The following LINC00305 variants were observed in gnomAD, a reference collection of about 807,000 sequenced individuals.
The protein encoded by LINC00305 is long independently transcribed non-coding RNA 305.
At chr18:64,082,043 C>T (rs899654262) in intron 3 of LINC00305, among the ~76,000 whole-genome samples, 1 of 152,130 alleles carries the variant, frequency 6.6e-6, no homozygotes, top group South Asian at 2.1e-4. Context: ...AAACAAAACC[C>T]CTTTTTGCCT....
chr18:64,127,377 T>C (rs1160727626), intron 1 of LINC00305: 1 of 152,098 alleles, frequency 6.6e-6, no homozygotes. Flanking sequence ...ATTACCCTTA[T>C]CTTGCAGATG....
chr18:64,113,532 G>T (rs977954787), intron 1 of LINC00305, among the ~76,000 whole-genome samples: 3 of 152,126 alleles, frequency 2.0e-5, no homozygotes, highest in Non-Finnish European at 2.9e-5. Context: ...GCACTTATAA[G>T]ACTTACAAGA....
chr18:64,085,056 G>T (rs1189881396), intron 3 of LINC00305, among the ~76,000 whole-genome samples: 1 of 152,168 alleles, frequency 6.6e-6, no homozygotes, highest in African/African-American at 2.4e-5. Context: ...AAAAATTGTG[G>T]ATGTGCATTC....
chr18:64,143,602 ATATG>A (rs2051478152), intron 1 of LINC00305, among the ~76,000 whole-genome samples: 1 of 98,106 alleles, frequency 1.0e-5, no homozygotes, highest in Non-Finnish European at 2.1e-5. Context: ...ACACATATGT[ATATG>A]TACATATGTA....
rs1489697178 is a variant in LINC00305, at chr18:64,143,697, G to C, written n.314+5078C>G. Reference sequence around the variant, plus strand: ...ACATATGTATGTCCACATATTATGCGTACATGTATGTCCACATATTATGCG... The same window carrying C: ...ACATATGTATGTCCACATATTATGCCTACATGTATGTCCACATATTATGCG... On this transcript the variant is annotated intron_variant and non_coding_transcript_variant, in intron 1 of 3. Transcript: ENST00000666468. Among the ~76,000 whole-genome samples, 134 of 133,802 alleles carry C rather than the reference G, an allele frequency of 1.0e-3. 1 individual carries two copies. The highest frequency in any genetic ancestry group is 3.6e-3 in the African/African-American group (127 of 34,800). 87.8% of individuals were successfully genotyped at this position (133,802 alleles called of 152,430 possible).
intron 1 of LINC00305, among the ~76,000 whole-genome samples, chr18:64,118,849 TG>T (rs2144256992): frequency 1.3e-5 from 2 of 151,862 alleles, no homozygotes; most frequent in Non-Finnish European, 2.9e-5. Context: ...TGTGTGTGTG[TG>T]TGTGTGTGTG....
chr18:64,088,397 T>A (rs1480949963), intron 3 of LINC00305, among the ~76,000 whole-genome samples: 2 of 152,240 alleles, frequency 1.3e-5, no homozygotes, highest in African/African-American at 4.8e-5. Context: ...GAATTCTTCA[T>A]GCATCTCAGT....
At chr18:64,114,926 A>T (rs1205291423) in intron 1 of LINC00305, among the ~76,000 whole-genome samples, 1 of 152,182 alleles carries the variant, frequency 6.6e-6, no homozygotes, top group East Asian at 1.9e-4. Context: ...AAATATACAT[A>T]AAGAGGTAAA....
intron 3 of LINC00305, among the ~76,000 whole-genome samples, chr18:64,095,295 A>G (rs1016538165): frequency 4.6e-5 from 7 of 152,222 alleles, no homozygotes; most frequent in African/African-American, 7.2e-5. Context: ...GAAAACAGCC[A>G]ACAGGAGGCC....
intron 1 of LINC00305, among the ~76,000 whole-genome samples, chr18:64,146,200 C>G (rs1568121115): frequency 6.6e-6 from 1 of 152,026 alleles, no homozygotes; most frequent in Non-Finnish European, 1.5e-5. Flanking sequence ...ATTAAGAAAG[C>G]TTTTTTAGAA....
chr18:64,081,415 A>G, intron 3 of LINC00305, among the ~76,000 whole-genome samples: 1 of 152,214 alleles, frequency 6.6e-6, no homozygotes, highest in East Asian at 1.9e-4. Context: ...GAATACAAGA[A>G]TCAATCCTCA....
At chr18:64,113,629 GGC>G (rs1270236776) in intron 1 of LINC00305, among the ~76,000 whole-genome samples, 4 of 150,884 alleles carry the variant, frequency 2.7e-5, no homozygotes, top group Non-Finnish European at 6.0e-5. Flanking sequence ...TTCAGGGAAA[GGC>G]GTAAGTGCTG....
At chr18:64,082,220 A>G (rs2051187769) in intron 3 of LINC00305, among the ~76,000 whole-genome samples, 1 of 151,982 alleles carries the variant, frequency 6.6e-6, no homozygotes, top group African/African-American at 2.4e-5. Flanking sequence ...TTTTTTTCAG[A>G]TCCTGCCATT....
At chr18:64,100,837 A>G (rs2051265313) in intron 1 of LINC00305, among the ~76,000 whole-genome samples, 1 of 152,142 alleles carries the variant, frequency 6.6e-6, no homozygotes, top group South Asian at 2.1e-4. Context: ...GAGAGCCATG[A>G]ATGAATGTCC....
At chr18:64,139,112 C>T (rs2144276131) in intron 1 of LINC00305, among the ~76,000 whole-genome samples, 1 of 152,300 alleles carries the variant, frequency 6.6e-6, no homozygotes, top group South Asian at 2.1e-4. Context: ...GTGCACTCCA[C>T]CTCCAATCAA....
intron 1 of LINC00305, among the ~76,000 whole-genome samples, chr18:64,107,322 G>C (rs993383361): frequency 2.6e-5 from 4 of 152,200 alleles, no homozygotes; most frequent in Admixed American, 6.6e-5. Context: ...GGGGACATCT[G>C]CAGGAGACAG....
At chr18:64,108,211 G>A (rs2051299616) in intron 1 of LINC00305, among the ~76,000 whole-genome samples, 1 of 152,222 alleles carries the variant, frequency 6.6e-6, no homozygotes, top group South Asian at 2.1e-4. Flanking sequence ...CTTTGTTAAA[G>A]TCGAAGGAAG....
At chr18:64,085,628 T>C (rs1335108185) in intron 3 of LINC00305, among the ~76,000 whole-genome samples, 3 of 152,104 alleles carry the variant, frequency 2.0e-5, no homozygotes, top group Non-Finnish European at 4.4e-5. Flanking sequence ...GCCCAGCTAA[T>C]TTTTGAATTT....
At chr18:64,090,613 G>A (rs972275715) in intron 3 of LINC00305, among the ~76,000 whole-genome samples, 1 of 152,064 alleles carries the variant, frequency 6.6e-6, no homozygotes, top group African/African-American at 2.4e-5. Context: ...GAAAATGTGG[G>A]GCCCCTTGCT....
Sources: allele counts gnomAD v4.1 joint callset (sites outside exome capture counted in the v4.1 genomes callset), GRCh38; gene constraint gnomAD v4.1.1; transcripts MANE v1.5; gene names NCBI Gene and HGNC (gene_info 2026-07-23, HGNC 2026-07-21).